GDPD5: variants seen among roughly 807,000 people sequenced by gnomAD.
GDPD5 encodes the protein glycerophosphodiester phosphodiesterase domain containing 5.
A neutral mutation model predicts 75.1 loss-of-function variants in GDPD5; 48 were observed. The ratio of observed to expected loss-of-function variants is 0.64; its 90% CI spans 0.51 to 0.81. GDPD5 has a LOEUF of 0.81. Ranked by LOEUF, GDPD5 falls within the 40% of genes least tolerant of loss-of-function variation. GDPD5 has a pLI of 0.00. For synonymous variants in GDPD5, 336 were observed against 339.0 expected, an observed-to-expected ratio of 0.99 and a Z score of 0.10; for missense variants, 706 against 822.6, an observed-to-expected ratio of 0.86 and a Z score of 1.73.
At chr11:75,437,186 A>G in intron 15 of GDPD5, 138 bp from the exon 16 acceptor site, 1 of 629,692 alleles carries the variant, frequency 1.6e-6, no homozygotes. Context: ...ATGGGGAAAT[A>G]GGCCCAGAGA....
intron 5 of GDPD5, 103 bp from the exon 6 acceptor site, chr11:75,456,919 T>G: frequency 8.5e-7 from 1 of 1,174,162 alleles, no homozygotes; most frequent in Non-Finnish European, 1.3e-6. Flanking sequence ...GGCCTGACCC[T>G]GGGCAGAGGC....
chr11:75,492,886 C>T (rs1026031330), intron 1 of GDPD5, among the ~76,000 whole-genome samples: 5 of 151,824 alleles, frequency 3.3e-5, no homozygotes, highest in African/African-American at 4.8e-5. Flanking sequence ...ACACACACCC[C>T]ACCCAGCTAA....
At chr11:75,505,628 TG>T (rs1482585840) in intron 1 of GDPD5, among the ~76,000 whole-genome samples, 3 of 152,156 alleles carry the variant, frequency 2.0e-5, no homozygotes, top group African/African-American at 7.2e-5. Flanking sequence ...GGACACTCTC[TG>T]ATCAAAAGAC....
chr11:75,479,623 A>G (rs1949860031), intron 2 of GDPD5: 2 of 152,284 alleles, frequency 1.3e-5, no homozygotes, highest in Admixed American at 1.3e-4. Context: ...AAGTTGTACA[A>G]CCATCACCAC....
At chr11:75,482,831 C>T (rs908042565) in intron 2 of GDPD5, among the ~76,000 whole-genome samples, 3 of 152,196 alleles carry the variant, frequency 2.0e-5, no homozygotes, top group Non-Finnish European at 2.9e-5. Context: ...TACCTGGGCA[C>T]ACTGTGAGAG....
intron 1 of GDPD5, among the ~76,000 whole-genome samples, chr11:75,491,827 G>C (rs1195199044): frequency 6.6e-6 from 1 of 152,176 alleles, no homozygotes; most frequent in Non-Finnish European, 1.5e-5. Context: ...GTTCTGAGAA[G>C]TGAACACACT....
At chr11:75,483,498 C>T (rs569606219) in intron 2 of GDPD5, among the ~76,000 whole-genome samples, 1 of 152,286 alleles carries the variant, frequency 6.6e-6, no homozygotes, top group East Asian at 1.9e-4. Flanking sequence ...CTGTGCCCCC[C>T]AGACTGCACT....
chr11:75,509,969 C>A (rs1356619827), intron 1 of GDPD5, among the ~76,000 whole-genome samples: 3 of 152,230 alleles, frequency 2.0e-5, no homozygotes, highest in African/African-American at 7.2e-5. Flanking sequence ...CATGAGCTAC[C>A]ACACCTGGCT....
At chr11:75,454,655 G>A (rs1243709367) in intron 6 of GDPD5, among the ~76,000 whole-genome samples, 3 of 152,220 alleles carry the variant, frequency 2.0e-5, no homozygotes, top group African/African-American at 4.8e-5. Flanking sequence ...TTAATGCAGC[G>A]AAGAAGGAGC....
In GDPD5 at chr11:75,435,588, A is replaced by T; in HGVS notation, c.1737T>A (p.Tyr579Ter). 1.2e-6 allele frequency: 2 copies of T among 1,613,674 alleles called. No homozygotes were observed. Among genetic ancestry groups the T allele is most frequent in the Non-Finnish European group, 1.7e-6 (2 of 1,179,810 alleles). ...CCACAGGGGTGGCGGTGCTGTTGGCATATGTGTCATAACTGTTGTCTGAAC... is the reference window on the plus strand; with the variant it reads ...CCACAGGGGTGGCGGTGCTGTTGGCTTATGTGTCATAACTGTTGTCTGAAC... ...SVCSDNSYDT[Y>*]ANSTATPVGP... is the part of the protein sequence containing the mutation. The change falls in exon 17 of 17, where the codon TAT becomes TAA. Residue 579 changes from tyrosine (Y) to a stop codon, truncating the protein, a stop_gained. Transcript: ENST00000336898. LOFTEE classifies it high-confidence loss of function.
At chr11:75,488,711 C>T (rs1209888701) in intron 2 of GDPD5, among the ~76,000 whole-genome samples, 1 of 152,162 alleles carries the variant, frequency 6.6e-6, no homozygotes, top group African/African-American at 2.4e-5. Context: ...GGGCTGATTC[C>T]CCCCAACAAA....
chr11:75,509,040 GGAAGGGATGTGGAGT>G (rs1489026872), intron 1 of GDPD5: 1 of 152,306 alleles, frequency 6.6e-6, no homozygotes, highest in Non-Finnish European at 1.5e-5. Flanking sequence ...ACAGGGAAGT[GGAAGGGATGTGGAGT>G]GACTGTCTTT....
intron 1 of GDPD5, among the ~76,000 whole-genome samples, chr11:75,494,709 T>C (rs1950179306): frequency 6.6e-6 from 1 of 151,978 alleles, no homozygotes; most frequent in Admixed American, 6.6e-5. Flanking sequence ...TCCCAGCACT[T>C]TGAGGGCCTA....
intron 1 of GDPD5, among the ~76,000 whole-genome samples, chr11:75,521,256 C>G (rs1175510064): frequency 6.6e-6 from 1 of 152,220 alleles, no homozygotes; most frequent in Non-Finnish European, 1.5e-5. Context: ...TCCAACACTG[C>G]CCTTCCTTAG....
At chr11:75,441,608 C>T in intron 13 of GDPD5, 38 bp downstream of exon 13, 6 of 1,512,754 alleles carry the variant, frequency 4.0e-6, no homozygotes, top group Non-Finnish European at 5.3e-6. Flanking sequence ...AGACTCAGTC[C>T]CACCCTCTCC....
chr11:75,484,551 A>G (rs1380546035), intron 2 of GDPD5, among the ~76,000 whole-genome samples: 3 of 152,196 alleles, frequency 2.0e-5, no homozygotes, highest in African/African-American at 7.2e-5. Context: ...CTGTGTTGCC[A>G]GCTTTTAACA....
chr11:75,507,219 CCT>C (rs1950419579), intron 1 of GDPD5: 1 of 151,462 alleles, frequency 6.6e-6, no homozygotes, highest in Non-Finnish European at 1.5e-5. Flanking sequence ...CCAGCATACC[CCT>C]GTCAGGCGGA....
At chr11:75,462,619 G>C (rs1409267872) in intron 4 of GDPD5, among the ~76,000 whole-genome samples, 167 bp downstream of exon 4, 1 of 152,110 alleles carries the variant, frequency 6.6e-6, no homozygotes, top group African/African-American at 2.4e-5. Context: ...GAGGTGAGCA[G>C]GACAGAGGCT....
intron 2 of GDPD5, among the ~76,000 whole-genome samples, chr11:75,483,765 T>C (rs965726080): frequency 6.6e-6 from 1 of 152,236 alleles, no homozygotes; most frequent in Non-Finnish European, 1.5e-5. Context: ...TGATTCCATG[T>C]ATAAGAAATG....
Sources: gnomAD v4.1 joint callset for allele counts (sites outside exome capture counted in the v4.1 genomes callset) on GRCh38, gnomAD v4.1.1 for gene constraint, MANE v1.5 for transcripts, NCBI Gene and HGNC (gene_info 2026-07-23, HGNC 2026-07-21) for gene names.